The following SF3B3 variants were observed in gnomAD, a reference collection of about 807,000 sequenced individuals.
SF3B3 encodes SAP 130.
In SF3B3, 33 loss-of-function variants were observed where a neutral mutation model predicts 139.2. The ratio of observed to expected loss-of-function variants is 0.24; its 90% CI spans 0.18 to 0.32. The LOEUF is 0.32. Among genes scored for constraint, SF3B3 ranks in the 10% least tolerant of loss-of-function variants. The probability of loss-of-function intolerance (pLI) is 1.00; values close to 1 mark genes in which losing one functional copy is unlikely to be tolerated. For synonymous variants in SF3B3, 596 were observed against 563.6 expected, an observed-to-expected ratio of 1.06 and a Z score of -0.81; for missense variants, 818 against 1,509.4, an observed-to-expected ratio of 0.54 and a Z score of 7.59.
intron 10 of SF3B3, among the ~76,000 whole-genome samples, chr16:70,547,639 G>T (rs920735941): frequency 1.3e-5 from 2 of 152,298 alleles, no homozygotes; most frequent in Non-Finnish European, 2.9e-5. Flanking sequence ...AGTCACCCAG[G>T]CTGGAGTGCA....
Position 70,568,291 on chromosome 16 carries a change from C to T in SF3B3, c.2961C>T (p.Ala987=). The T allele has an allele frequency of 1.2e-6, 2 of 1,610,316 alleles. No homozygotes were observed. The highest frequency in any genetic ancestry group is 1.7e-6 in the Non-Finnish European group (2 of 1,176,680). The change falls in exon 22 of 26, where the codon GCC becomes GCT. Residue 987 remains alanine, a synonymous_variant. Transcript: ENST00000302516. ...GTCTTTGTTTTTCCCAGCATATTGC[C>T]AATTATATCTCTGGGATCCAGACTA... ...LLRKCENKHI[A]NYISGIQTIG...
intron 6 of SF3B3, among the ~76,000 whole-genome samples, chr16:70,537,101 G>T (rs115700401): frequency 2.0e-5 from 3 of 152,022 alleles, no homozygotes; most frequent in African/African-American, 7.3e-5. Context: ...GAGCCACTGC[G>T]CCTGGCCAGC....
At chr16:70,570,718 G>A (rs1162399439) in intron 24 of SF3B3, among the ~76,000 whole-genome samples, 1 of 152,184 alleles carries the variant, frequency 6.6e-6, no homozygotes, top group African/African-American at 2.4e-5. Flanking sequence ...TTTAGAACTG[G>A]ACTCCACAGA....
At chr16:70,533,899 T>A (rs1463462143) in intron 5 of SF3B3, among the ~76,000 whole-genome samples, 1 of 152,254 alleles carries the variant, frequency 6.6e-6, no homozygotes, top group East Asian at 1.9e-4. Flanking sequence ...TTTTTCATTC[T>A]TTCAACACAT....
chr16:70,572,011 A>G lies in SF3B3; in HGVS notation c.*198A>G, dbSNP rs1200016699. 7.1e-6 allele frequency: 5 copies of G among 704,006 alleles called. No homozygotes were observed. The highest frequency in any genetic ancestry group is 1.2e-5 in the Non-Finnish European group (5 of 404,956). 43.6% of individuals were successfully genotyped at this position (704,006 alleles called of 1,614,324 possible). A position where few individuals can be genotyped will look rare whatever the true frequency, so the allele number is the denominator to read the frequency against. ...CCTCAAATTGGCACTGAGATTTGCTACACTTCTCCCCACCTGGTACATGAT... is the reference window on the plus strand; with the variant it reads ...CCTCAAATTGGCACTGAGATTTGCTGCACTTCTCCCCACCTGGTACATGAT... On this transcript the variant is annotated 3_prime_UTR_variant, in exon 26 of 26. Transcript: ENST00000302516.
At chr16:70,561,434 G>A (rs190108427) in intron 16 of SF3B3, 196 bp from the exon 17 acceptor site, 2 of 578,176 alleles carry the variant, frequency 3.5e-6, no homozygotes, top group South Asian at 2.2e-5. Context: ...ATGGCTCGTA[G>A]CCCATGCTTT....
intron 7 of SF3B3, 73 bp downstream of exon 7, chr16:70,538,533 A>C: frequency 7.5e-7 from 1 of 1,329,642 alleles, no homozygotes; most frequent in African/African-American, 1.5e-5. Flanking sequence ...ATACTTTACA[A>C]GTTAAAAAAA....
Position 70,532,556 on chromosome 16 carries a change from T to C in SF3B3, c.648T>C (p.Gly216=), listed in dbSNP as rs1567410195. 1 of 1,614,102 alleles carries C rather than the reference T, an allele frequency of 6.2e-7. No individual in the cohort carries two copies. The highest frequency in any genetic ancestry group is 1.7e-5 in the Admixed American group (1 of 60,014). Residue 216 remains glycine, a synonymous_variant, in exon 5 of 26, where the codon GGT becomes GGC. Coordinates refer to ENST00000302516, the MANE Select transcript of SF3B3 (RefSeq NM_012426.5). The stretch of plus-strand genomic sequence containing the variant: ...TTACTTTCTATGAGCTAGACCTTGG[T>C]TTAAATCATGTGGTCCGAAAATACA... The part of the protein sequence containing the change: ...QTLTFYELDL[G]LNHVVRKYSE...
intron 15 of SF3B3, among the ~76,000 whole-genome samples, chr16:70,559,999 A>ACC (rs1459586335): frequency 6.6e-6 from 1 of 151,894 alleles, no homozygotes; most frequent in Non-Finnish European, 1.5e-5. Flanking sequence ...TTTTAACATG[A>ACC]CCCCACTATT....
intron 5 of SF3B3, among the ~76,000 whole-genome samples, chr16:70,533,007 TAAAC>T (rs1262618852): frequency 7.2e-5 from 11 of 152,178 alleles, no homozygotes; most frequent in African/African-American, 1.9e-4. Flanking sequence ...TTTGAAAACT[TAAAC>T]AAAATAGAAA....
chr16:70,542,524 A>T (rs548259460), intron 9 of SF3B3, among the ~76,000 whole-genome samples: 1 of 152,186 alleles, frequency 6.6e-6, no homozygotes. Context: ...TTGAGTGACC[A>T]TTAGGGACCA....
Position 70,565,411 on chromosome 16 carries a change from G to T in SF3B3, c.2713G>T (p.Val905Leu), listed in dbSNP as rs772062318. 3 of 1,614,168 alleles carry T rather than the reference G, an allele frequency of 1.9e-6. No individual in the cohort carries two copies. Among genetic ancestry groups the T allele is most frequent in the South Asian group, 1.1e-5 (1 of 91,082 alleles). ...RFSNTGEDWY[V>L]LVGVAKDLIL... ...TTCCAACACTGGTGAAGACTGGTAT[G>T]TGCTGGTGGGTGTGGCCAAGGACCT... The change falls in exon 20 of 26, where the codon GTG becomes TTG. Residue 905 changes from valine to leucine, a missense_variant. Val to Leu is a conservative substitution (Grantham distance 32). Transcript: ENST00000302516.
In SF3B3 at chr16:70,573,625, G is replaced by T. The variant is rs1286170092; in HGVS notation, c.*1812G>T. 1.3e-5 allele frequency: 2 copies of T among 152,220 alleles called. No homozygotes were observed. The highest frequency in any genetic ancestry group is 2.4e-5 in the African/African-American group (1 of 41,454). The allele number at this position is 152,220 out of a possible 1,614,324, so 9.4% of individuals were successfully genotyped here. On this transcript the variant is annotated 3_prime_UTR_variant, in exon 26 of 26. Transcript: ENST00000302516. ...CAGGACCTACAAAAGTTTAAAATTA[G>T]ATTGGATGTGACTCAATGACAAGTC...
chr16:70,546,115 C>A (rs558416182), intron 10 of SF3B3, among the ~76,000 whole-genome samples: 49 of 152,218 alleles, frequency 3.2e-4, no homozygotes, highest in Admixed American at 3.0e-3. Flanking sequence ...TACAGGTGTG[C>A]GCCATCACGC....
At chr16:70,563,058 C>G (rs1016792661) in intron 17 of SF3B3, among the ~76,000 whole-genome samples, 4 of 152,164 alleles carry the variant, frequency 2.6e-5, no homozygotes, top group Non-Finnish European at 2.9e-5. Context: ...GTCTTGAGCT[C>G]CTGGGCTCAA....
chr16:70,534,980 T>G (rs1388293928), intron 5 of SF3B3, among the ~76,000 whole-genome samples: 2 of 152,154 alleles, frequency 1.3e-5, no homozygotes, highest in South Asian at 2.1e-4. Context: ...CACACTGTAT[T>G]TTAAAAATAC....
intron 22 of SF3B3, 97 bp from the exon 23 acceptor site, chr16:70,568,946 G>A: frequency 1.3e-6 from 1 of 790,860 alleles, no homozygotes. Flanking sequence ...CAGTGCCCCT[G>A]TGGCTGACTT....
intron 5 of SF3B3, among the ~76,000 whole-genome samples, chr16:70,532,914 A>G (rs1005510838): frequency 6.6e-6 from 1 of 152,212 alleles, no homozygotes; most frequent in African/African-American, 2.4e-5. Context: ...GTTTGGCTGT[A>G]GTCAGTCTTT....
In SF3B3 at chr16:70,559,543, T is replaced by C. The variant is rs372828953; in HGVS notation, c.2011-926T>C. 5.9e-5 allele frequency among the ~76,000 whole-genome samples: 9 copies of C among 152,022 alleles called. No individual in the cohort carries two copies. In the East Asian group the frequency reaches 9.7e-4, roughly 16 times the overall value. On this transcript the variant is annotated intron_variant, in intron 15 of 25. Coordinates refer to ENST00000302516, the MANE Select transcript of SF3B3 (RefSeq NM_012426.5). ...TTCCACCAAAAATACAAAAAATAGT[T>C]GGGAATGGTGGCTCATGCCTGTAGT...
Sources: gnomAD v4.1 joint callset for allele counts (sites outside exome capture counted in the v4.1 genomes callset) on GRCh38, gnomAD v4.1.1 for gene constraint, MANE v1.5 for transcripts, NCBI Gene and HGNC (gene_info 2026-07-23, HGNC 2026-07-21) for gene names.